Variants in MED15 observed in about 807,000 individuals in gnomAD.
The protein encoded by MED15 is mediator complex subunit 15.
A neutral mutation model predicts 118.7 loss-of-function variants in MED15; 41 were observed. That is an observed-to-expected ratio of 0.35 (90% CI 0.27 to 0.45). The LOEUF (loss-of-function observed/expected upper bound fraction) is 0.45. Ranked by LOEUF, MED15 falls within the 20% of genes least tolerant of loss-of-function variation. The pLI is 1.00. For synonymous variants in MED15, 436 were observed against 413.9 expected (o/e 1.05, Z -0.65); for missense variants, 740 against 1,025.5 (o/e 0.72, Z 3.80).
intron 5 of MED15, among the ~76,000 whole-genome samples, chr22:20,560,661 T>A (rs901367555): frequency 5.3e-5 from 8 of 152,178 alleles, no homozygotes; most frequent in African/African-American, 1.9e-4. Context: ...CTATCCAAAG[T>A]GTGAGATTAC....
At chr22:20,540,529 G>A (rs552157101) in intron 2 of MED15, among the ~76,000 whole-genome samples, 1 of 152,232 alleles carries the variant, frequency 6.6e-6, no homozygotes, top group Non-Finnish European at 1.5e-5. Context: ...AGCTATGATT[G>A]TACCAACATG....
chr22:20,509,303 C>G (rs929416894), intron 1 of MED15, among the ~76,000 whole-genome samples: 1 of 152,128 alleles, frequency 6.6e-6, no homozygotes, highest in African/African-American at 2.4e-5. Context: ...CCTAGAGTCC[C>G]TGTCCCTGGA....
At chr22:20,509,244 T>G (rs2053981345) in intron 1 of MED15, among the ~76,000 whole-genome samples, 1 of 152,114 alleles carries the variant, frequency 6.6e-6, no homozygotes, top group South Asian at 2.1e-4. Context: ...AGCCTGTGTT[T>G]GGCATGTGGC....
At position 20,566,520 on chromosome 22, in the gene MED15, ACAGCAACAGCAGCAGCAG is replaced by A. The variant is rs1601600528; in HGVS notation, c.750_767del (p.Gln257_Gln262del). 3 of 1,603,384 alleles carry A rather than the reference ACAGCAACAGCAGCAGCAG, an allele frequency of 1.9e-6. No individual in the cohort carries two copies. Among genetic ancestry groups the A allele is most frequent in the Non-Finnish European group, 2.6e-6 (3 of 1,174,298 alleles). On this transcript the variant is annotated inframe_deletion, in exon 7 of 18. Transcript: ENST00000263205. The stretch of plus-strand genomic sequence containing the variant: ...GAATAGCACAGCTGCAGCTCCAACA[ACAGCAACAGCAGCAGCAG>A]CAGCAGCAGCAGCAGCAGCAGCAGG...
intron 1 of MED15, among the ~76,000 whole-genome samples, chr22:20,534,488 C>T (rs115678536): frequency 7.5e-4 from 114 of 152,090 alleles, no homozygotes; most frequent in African/African-American, 2.6e-3. Flanking sequence ...TGCCCCACTG[C>T]GCTGCACCTG....
chr22:20,582,520 G>C, intron 9 of MED15, 91 bp from the exon 10 acceptor site: 1 of 1,524,190 alleles, frequency 6.6e-7, no homozygotes, highest in South Asian at 1.2e-5. Context: ...GGCTGTGCGG[G>C]AGGATGGGCC....
At chr22:20,584,577 T>A in intron 14 of MED15, 152 bp downstream of exon 14, 1 of 972,160 alleles carries the variant, frequency 1.0e-6, no homozygotes, top group Non-Finnish European at 1.6e-6. Flanking sequence ...CCAGGTCTGC[T>A]GTGCTGGGTG....
At chr22:20,518,931 C>A in intron 1 of MED15, 1 of 446,240 alleles carries the variant, frequency 2.2e-6, no homozygotes, top group Non-Finnish European at 4.5e-6. Flanking sequence ...TGGCTCACTG[C>A]AACCTCCACC....
intron 1 of MED15, among the ~76,000 whole-genome samples, chr22:20,509,586 G>A (rs1215147703): frequency 2.6e-5 from 4 of 151,408 alleles, no homozygotes; most frequent in Non-Finnish European, 5.9e-5. Flanking sequence ...ATGGAGGGGG[G>A]TGGGGTGTGG....
intron 9 of MED15, 141 bp from the exon 10 acceptor site, chr22:20,582,470 G>A (rs1420971804): frequency 7.5e-7 from 1 of 1,335,190 alleles, no homozygotes; most frequent in East Asian, 2.5e-5. Flanking sequence ...CTGTGTGTAT[G>A]TCCAGGTGGC....
At chr22:20,564,155 G>T (rs567264661) in intron 5 of MED15, among the ~76,000 whole-genome samples, 1 of 152,340 alleles carries the variant, frequency 6.6e-6, no homozygotes, top group Non-Finnish European at 1.5e-5. Flanking sequence ...CATAGAGACA[G>T]AGAGGAGATT....
chr22:20,543,434 G>A lies in MED15; in HGVS notation c.156+6230G>A, dbSNP rs1304975964. 9.7e-5 allele frequency among the ~76,000 whole-genome samples: 14 copies of A among 144,666 alleles called. No individual in the cohort carries two copies. The East Asian group carries it at 1.0e-3, about 11-fold the overall frequency. The allele number at this position is 144,666 out of a possible 152,430, so 94.9% of individuals were successfully genotyped here. A position where few individuals can be genotyped will look rare whatever the true frequency, so the allele number is the denominator to read the frequency against. On this transcript the variant is annotated intron_variant, in intron 2 of 17. Transcript: ENST00000263205. ...ACCATGTTGGCCAGGCTGGTCTTGAGCTCCTGACCTCAAGTGATCTGCCTG... is the reference window on the plus strand; with the variant it reads ...ACCATGTTGGCCAGGCTGGTCTTGAACTCCTGACCTCAAGTGATCTGCCTG...
At chr22:20,559,451 G>A (rs2056143777) in intron 5 of MED15, among the ~76,000 whole-genome samples, 1 of 152,106 alleles carries the variant, frequency 6.6e-6, no homozygotes, top group Non-Finnish European at 1.5e-5. Flanking sequence ...AATTCTAATT[G>A]GCATCCAAGC....
chr22:20,519,661 G>C (rs1035043378), intron 1 of MED15, among the ~76,000 whole-genome samples: 1 of 152,104 alleles, frequency 6.6e-6, no homozygotes, highest in East Asian at 1.9e-4. Flanking sequence ...CACCATATTG[G>C]CCAAGCTGGT....
chr22:20,562,231 T>C (rs2056270261), intron 5 of MED15, among the ~76,000 whole-genome samples: 1 of 152,172 alleles, frequency 6.6e-6, no homozygotes, highest in Non-Finnish European at 1.5e-5. Context: ...CATCTCTTTG[T>C]TATTGATAAA....
intron 9 of MED15, 136 bp downstream of exon 9, chr22:20,575,368 C>CTTTT: frequency 1.1e-6 from 1 of 882,878 alleles, no homozygotes; most frequent in Non-Finnish European, 1.6e-6. Flanking sequence ...CCCACAGTCC[C>CTTTT]TTTTTTTTTT....
In MED15 at chr22:20,586,726, G is replaced by A. The variant is rs773993698; in HGVS notation, c.*22G>A. 8.3e-5 allele frequency: 134 copies of A among 1,610,684 alleles called. No individual in the cohort carries two copies. The highest frequency in any genetic ancestry group is 6.2e-4 in the Admixed American group (37 of 59,962). Reference sequence around the variant, plus strand: ...CTAGCCAAGACTGCAGGGATGGCCCGCAGCCTCATCGGGGCCAAGGACACA... The same window carrying A: ...CTAGCCAAGACTGCAGGGATGGCCCACAGCCTCATCGGGGCCAAGGACACA... On this transcript the variant is annotated 3_prime_UTR_variant, in exon 18 of 18. Coordinates refer to ENST00000263205, the MANE Select transcript of MED15 (RefSeq NM_001003891.3).
At chr22:20,544,360 G>C (rs1174485019) in intron 2 of MED15, among the ~76,000 whole-genome samples, 1 of 152,100 alleles carries the variant, frequency 6.6e-6, no homozygotes, top group Non-Finnish European at 1.5e-5. Context: ...TACAAGCTTG[G>C]TGGCTTAAAA....
chr22:20,581,353 A>G (rs921610376), intron 9 of MED15, among the ~76,000 whole-genome samples: 1 of 152,060 alleles, frequency 6.6e-6, no homozygotes, highest in Admixed American at 6.5e-5. Context: ...TCCCCAATTT[A>G]AGGAGCTTAG....
Sources: gnomAD v4.1 joint callset for allele counts (sites outside exome capture counted in the v4.1 genomes callset) on GRCh38, gnomAD v4.1.1 for gene constraint, MANE v1.5 for transcripts, NCBI Gene and HGNC (gene_info 2026-07-23, HGNC 2026-07-21) for gene names.